ABR: variants seen among roughly 807,000 people sequenced by gnomAD.
ABR encodes the protein active breakpoint cluster region-related protein.
Under a neutral mutation model 107.2 loss-of-function variants are expected in ABR, and 35 were observed. The ratio of observed to expected loss-of-function variants is 0.33; its 90% CI spans 0.25 to 0.43. The LOEUF is 0.43. Among genes scored for constraint, ABR ranks in the 20% least tolerant of loss-of-function variants. The pLI, the probability that ABR is intolerant of heterozygous loss-of-function variation, is 1.00. For synonymous variants in ABR, 498 were observed against 462.0 expected (o/e 1.08, Z -1.00); for missense variants, 815 against 1,115.2 (o/e 0.73, Z 3.83).
At position 1,173,075 on chromosome 17, in the gene ABR, T is replaced by C. The variant is rs1567857589; in HGVS notation, c.61+6592A>G. The stretch of plus-strand genomic sequence containing the variant: ...ACCTCAGTCCACCCAACACATCACC[T>C]CAGTCCACCCCCCCCATCATCTCAG... On this transcript the variant is annotated intron_variant, in intron 1 of 22. Transcript: ENST00000302538. Among the ~76,000 whole-genome samples, 18 of 63,378 alleles carry C rather than the reference T, an allele frequency of 2.8e-4. 3 individuals carry two copies. Among genetic ancestry groups the C allele is most frequent in the Non-Finnish European group, 3.1e-5 (1 of 32,448 alleles). The allele number at this position is 63,378 out of a possible 152,430, so 41.6% of individuals were successfully genotyped here. A position where few individuals can be genotyped will look rare whatever the true frequency, so the allele number is the denominator to read the frequency against.
At chr17:1,079,788 C>CAAAAAAAAAA (rs57412625) in intron 5 of ABR, among the ~76,000 whole-genome samples, 41 of 55,114 alleles carry the variant, frequency 7.4e-4, no homozygotes, top group Non-Finnish European at 9.1e-4. Context: ...GACTCTGTCT[C>CAAAAAAAAAA]AAAAAAAAAA....
intron 8 of ABR, 97 bp downstream of exon 8, chr17:1,072,517 G>C (rs1285925320): frequency 2.7e-6 from 2 of 736,996 alleles, no homozygotes; most frequent in East Asian, 6.2e-5. Flanking sequence ...TGTGAGAGAA[G>C]GGGACGAGGG....
chr17:1,185,825 C>T (rs1255093627), intron 1 of ABR, among the ~76,000 whole-genome samples: 1 of 151,806 alleles, frequency 6.6e-6, no homozygotes, highest in East Asian at 1.9e-4. Context: ...AGTAAAGCAG[C>T]ATTTACTATT....
In ABR at chr17:1,157,662, G is replaced by C. The variant is rs539787421; in HGVS notation, c.61+22005C>G. Among the ~76,000 whole-genome samples the C allele has an allele frequency of 6.6e-6, 1 of 152,338 alleles. No homozygotes were observed. The highest frequency in any genetic ancestry group is 2.1e-4 in the South Asian group (1 of 4,830). ...TGCTGGAACACGCCCAGCGGAACAG[G>C]GGGAAGCCAACAATCCCGGCAGATG... On this transcript the variant is annotated intron_variant, in intron 1 of 22. Transcript: ENST00000302538. This position sits in a 1 kb window ranked among gnomAD's most constrained non-coding sequence, Gnocchi z 4.7.
intron 1 of ABR, among the ~76,000 whole-genome samples, chr17:1,199,925 C>T (rs1016954010): frequency 6.8e-6 from 1 of 147,090 alleles, no homozygotes; most frequent in African/African-American, 2.5e-5. Flanking sequence ...GCTCTTTTTT[C>T]TTTTTTTTTT....
intron 1 of ABR, among the ~76,000 whole-genome samples, chr17:1,165,450 G>C (rs116895791): frequency 6.6e-6 from 1 of 152,258 alleles, no homozygotes; most frequent in Non-Finnish European, 1.5e-5. Context: ...GAGACAAAAT[G>C]TCCAGGAGGA....
chr17:1,131,390 A>T (rs879221382), intron 1 of ABR, among the ~76,000 whole-genome samples: 1 of 30,016 alleles, frequency 3.3e-5, no homozygotes, highest in Non-Finnish European at 6.7e-5. Flanking sequence ...CCTGACACGC[A>T]CACAGCTCCC....
chr17:1,009,365 T>C (rs2070336469), intron 21 of ABR, among the ~76,000 whole-genome samples: 1 of 151,090 alleles, frequency 6.6e-6, no homozygotes, highest in African/African-American at 2.4e-5. Context: ...AAAACCTGCC[T>C]GTAGTCCTGG....
chr17:1,048,723 G>A (rs894105658), intron 16 of ABR, among the ~76,000 whole-genome samples: 5 of 148,226 alleles, frequency 3.4e-5, no homozygotes, highest in Non-Finnish European at 5.9e-5. Context: ...GCCCAGCTGC[G>A]CCTGGATCAC....
chr17:1,072,787 C>T (rs746684812), intron 7 of ABR, 33 bp from the exon 8 acceptor site: 29 of 1,604,200 alleles, frequency 1.8e-5, no homozygotes, highest in East Asian at 6.8e-5. Flanking sequence ...TTGAGGGGAG[C>T]GGCTCTGGGG....
At chr17:1,138,836 G>A (rs73275156) in intron 1 of ABR, among the ~76,000 whole-genome samples, 18,599 of 152,190 alleles carry the variant, frequency 0.12, 1,307 homozygotes, top group African/African-American at 0.18. Context: ...ACTGAGGACC[G>A]GAGAGACCGA....
At chr17:1,108,207 G>C (rs1279273494) in intron 2 of ABR, among the ~76,000 whole-genome samples, 1 of 152,256 alleles carries the variant, frequency 6.6e-6, no homozygotes, top group East Asian at 1.9e-4. Flanking sequence ...GAAAAAGGAA[G>C]ACCGCTGTGG....
At chr17:1,225,136 G>C (rs1479244769) in intron 1 of ABR, among the ~76,000 whole-genome samples, 1 of 141,982 alleles carries the variant, frequency 7.0e-6, no homozygotes, top group Admixed American at 7.1e-5. Flanking sequence ...GCAACACCGT[G>C]AGACTCCATC....
chr17:1,096,762 A>T (rs1197661158), intron 3 of ABR, among the ~76,000 whole-genome samples: 3 of 133,298 alleles, frequency 2.3e-5, no homozygotes, highest in Non-Finnish European at 4.7e-5. Flanking sequence ...GAAGGGGGGA[A>T]CCTGCCCCGG....
At chr17:1,059,200 G>C (rs982219749) in intron 10 of ABR, among the ~76,000 whole-genome samples, 11 of 152,132 alleles carry the variant, frequency 7.2e-5, no homozygotes, top group Non-Finnish European at 1.2e-4. Context: ...CCCAGGGCCA[G>C]GGACCAGGTC....
intron 16 of ABR, among the ~76,000 whole-genome samples, chr17:1,045,039 G>C (rs1363426071): frequency 6.6e-6 from 1 of 152,190 alleles, no homozygotes; most frequent in African/African-American, 2.4e-5. Context: ...CAGAAAAACA[G>C]ACAAAACAGG....
chr17:1,176,034 C>G (rs1006306130), intron 1 of ABR, among the ~76,000 whole-genome samples: 5 of 151,630 alleles, frequency 3.3e-5, no homozygotes, highest in African/African-American at 1.2e-4. Context: ...GAGCTTGCAG[C>G]GAGCTGAGAT....
At chr17:1,126,998 C>T (rs948648327) in intron 1 of ABR, among the ~76,000 whole-genome samples, 2 of 152,260 alleles carry the variant, frequency 1.3e-5, no homozygotes, top group African/African-American at 4.8e-5. Flanking sequence ...CACCAGCCCA[C>T]AGGCAACCAG....
Position 1,050,702 on chromosome 17 carries a change from C to A in ABR, c.1562-68G>T. On this transcript the variant is annotated intron_variant, in intron 14 of 22. Coordinates refer to ENST00000302538, the MANE Select transcript of ABR (RefSeq NM_021962.5). The surrounding 1 kb of genome is among the most constrained non-coding windows in gnomAD (Gnocchi z 4.6). ...AGGGTGGGGCAGCTGGGGCGGCACTCAGGATGGAGGGGGACATCGCATCTG... is the reference window on the plus strand; with the variant it reads ...AGGGTGGGGCAGCTGGGGCGGCACTAAGGATGGAGGGGGACATCGCATCTG... 2 of 1,291,016 alleles carry A rather than the reference C, an allele frequency of 1.5e-6. No homozygotes were observed. Among genetic ancestry groups the A allele is most frequent in the South Asian group, 2.4e-5 (2 of 84,308 alleles). 80.0% of individuals were successfully genotyped at this position (1,291,016 alleles called of 1,614,324 possible).
Sources: allele counts gnomAD v4.1 joint callset (sites outside exome capture counted in the v4.1 genomes callset), GRCh38; gene constraint gnomAD v4.1.1; non-coding constraint Gnocchi (gnomAD v3.1); transcripts MANE v1.5; gene names NCBI Gene and HGNC (gene_info 2026-07-23, HGNC 2026-07-21).